The following C11orf65 variants were observed in gnomAD, a reference collection of about 807,000 sequenced individuals.
The protein encoded by C11orf65 is chromosome 11 open reading frame 65.
A neutral mutation model predicts 35.3 loss-of-function variants in C11orf65; 38 were observed. That is an observed-to-expected ratio of 1.08 (90% confidence interval 0.83 to 1.41). The LOEUF is 1.41. C11orf65 is among the 40% of genes most tolerant of loss of function. C11orf65 has a pLI of 0.00. For synonymous variants in C11orf65, 105 were observed against 114.4 expected (o/e 0.92, Z 0.53); for missense variants, 370 against 367.1 (o/e 1.01, Z -0.06).
At chr11:108,330,144 AT>A (rs2086100338), downstream of C11orf65, 1 of 1,510,376 alleles carries the variant, frequency 6.6e-7, no homozygotes, top group Non-Finnish European at 9.1e-7. Context: ...AATGTTGTAT[AT>A]CATGTGTGAT....
At chr11:108,431,934 T>C (rs577040836) in intron 2 of C11orf65, 96 bp from the exon 3 acceptor site, 6 of 616,744 alleles carry the variant, frequency 9.7e-6, no homozygotes, top group African/African-American at 3.7e-5. Context: ...TAAAGTACCA[T>C]AAAATAGATT....
At chr11:108,466,374 G>A (rs943632258) in intron 1 of C11orf65, among the ~76,000 whole-genome samples, 40 of 152,100 alleles carry the variant, frequency 2.6e-4, no homozygotes, top group African/African-American at 9.7e-4. Flanking sequence ...AGGGGTTTGA[G>A]ACCAGCCTGG....
intron 2 of C11orf65, among the ~76,000 whole-genome samples, chr11:108,338,502 A>C (rs1171766161): frequency 6.6e-6 from 1 of 152,190 alleles, no homozygotes; most frequent in Non-Finnish European, 1.5e-5. Context: ...AAAAAATTAA[A>C]AATTTAGCCA....
intron 2 of C11orf65, among the ~76,000 whole-genome samples, chr11:108,374,562 C>G (rs2091667556): frequency 6.6e-6 from 1 of 152,164 alleles, no homozygotes; most frequent in Non-Finnish European, 1.5e-5. Flanking sequence ...AAACTGGAAA[C>G]TCTAAAAAGG....
rs762900370 is a variant in C11orf65 at position 108,322,835 on chromosome 11, G to A, written c.641-13764C>T. Among the ~76,000 whole-genome samples, 45 of 150,996 alleles carry A rather than the reference G, an allele frequency of 3.0e-4. No homozygotes were observed. In the East Asian group the frequency reaches 6.8e-3, roughly 23 times the overall value. ...TTGCACAGCATGTTACACTCCATTC[G>A]GTTTTAGCACTGCATTGCATTACTG... On this transcript the variant is annotated intron_variant, in intron 6 of 6. Coordinates refer to the C11orf65 transcript ENST00000525729.
intron 2 of C11orf65, among the ~76,000 whole-genome samples, chr11:108,338,923 TCATTCCCAA>T (rs1334987860): frequency 3.3e-5 from 5 of 152,072 alleles, no homozygotes; most frequent in Non-Finnish European, 7.4e-5. Flanking sequence ...ATCTGTAGAG[TCATTCCCAA>T]TCCTGAGATT....
At position 108,343,285 on chromosome 11, in the gene C11orf65, G is replaced by T. The variant is rs2136946265; in HGVS notation, c.227-7993C>A. The T allele has an allele frequency of 6.2e-7, 1 of 1,614,006 alleles. No homozygotes were observed. The highest frequency in any genetic ancestry group is 8.5e-7 in the Non-Finnish European group (1 of 1,179,936). ...GTGCACAGGAACTGTCCCCATTGGTGAATTTCTTGTTAACAATGAAGATGG... is the reference window on the plus strand; with the variant it reads ...GTGCACAGGAACTGTCCCCATTGGTTAATTTCTTGTTAACAATGAAGATGG... On this transcript the variant is annotated intron_variant, in intron 2 of 3. Transcript: ENST00000524755.
In C11orf65 at chr11:108,360,350, T is replaced by C. The variant is rs372772222; in HGVS notation, c.227-25058A>G. Reference sequence around the variant, plus strand: ...GTCCAGGACCAGATGGATTCACAGCTGAATTCTACCAGAGGTACAAGGAGG... The same window carrying C: ...GTCCAGGACCAGATGGATTCACAGCCGAATTCTACCAGAGGTACAAGGAGG... On this transcript the variant is annotated intron_variant, in intron 2 of 3. Coordinates refer to the C11orf65 transcript ENST00000524755. 1.9e-3 allele frequency among the ~76,000 whole-genome samples: 286 copies of C among 151,364 alleles called. 1 individual carries two copies. Among genetic ancestry groups the C allele is most frequent in the African/African-American group, 5.9e-3 (243 of 41,178 alleles).
Position 108,348,725 on chromosome 11 carries a change from T to G in C11orf65, c.227-13433A>C, listed in dbSNP as rs544378358. 8.7e-3 allele frequency among the ~76,000 whole-genome samples: 1,317 copies of G among 152,200 alleles called. 13 individuals carry two copies. The highest frequency in any genetic ancestry group is 9.9e-3 in the Non-Finnish European group (674 of 67,970). On this transcript the variant is annotated intron_variant, in intron 2 of 3. Coordinates refer to the C11orf65 transcript ENST00000524755. ...CAGGTTTCATTATTTTCCAAAGAAATTCTCAGAAAATAATATATTGAGAGG... is the reference window on the plus strand; with the variant it reads ...CAGGTTTCATTATTTTCCAAAGAAAGTCTCAGAAAATAATATATTGAGAGG...
At chr11:108,400,143 T>C (rs1309511175) in intron 6 of C11orf65, among the ~76,000 whole-genome samples, 1 of 152,096 alleles carries the variant, frequency 6.6e-6, no homozygotes, top group Non-Finnish European at 1.5e-5. Flanking sequence ...AGTAAAGGGG[T>C]TGGAACAGCA....
At chr11:108,467,962 A>C (rs2093557949), upstream of C11orf65, among the ~76,000 whole-genome samples, 1 of 151,910 alleles carries the variant, frequency 6.6e-6, no homozygotes. Flanking sequence ...AGTAGCTGGG[A>C]CCGTAGGAGT....
At chr11:108,434,653 G>C (rs949064942) in intron 2 of C11orf65, among the ~76,000 whole-genome samples, 1 of 151,948 alleles carries the variant, frequency 6.6e-6, no homozygotes, top group South Asian at 2.1e-4. Context: ...AATTCCTTGG[G>C]GGAACTACCT....
chr11:108,377,202 C>A (rs1328318327), intron 2 of C11orf65, among the ~76,000 whole-genome samples: 2 of 151,938 alleles, frequency 1.3e-5, no homozygotes, highest in Non-Finnish European at 2.9e-5. Flanking sequence ...GACCAATATC[C>A]TTGATGAACA....
chr11:108,376,207 C>G (rs1047460961), intron 2 of C11orf65, among the ~76,000 whole-genome samples: 5 of 152,018 alleles, frequency 3.3e-5, no homozygotes, highest in African/African-American at 1.2e-4. Flanking sequence ...CACACCTATT[C>G]CAAAATTGAC....
chr11:108,331,325 A>G, downstream of C11orf65: 9 of 1,469,336 alleles, frequency 6.1e-6, no homozygotes, highest in Non-Finnish European at 8.1e-6. Context: ...TAGTTAGTGA[A>G]GTTTTGTTAA....
chr11:108,447,046 G>A (rs1471437259), intron 2 of C11orf65, among the ~76,000 whole-genome samples: 18 of 152,216 alleles, frequency 1.2e-4, no homozygotes, highest in Admixed American at 2.0e-4. Flanking sequence ...AGGCCATTAC[G>A]TAATGATAAA....
At chr11:108,393,101 T>TC in intron 7 of C11orf65, 107 bp downstream of exon 7, 5 of 1,255,904 alleles carry the variant, frequency 4.0e-6, no homozygotes, top group Non-Finnish European at 4.4e-6. Flanking sequence ...GTTTTTTTTT[T>TC]CTTTGAAGAT....
At chr11:108,361,537 A>G (rs1435249858) in intron 2 of C11orf65, among the ~76,000 whole-genome samples, 1 of 152,062 alleles carries the variant, frequency 6.6e-6, no homozygotes, top group Non-Finnish European at 1.5e-5. Context: ...ACACTACCTG[A>G]CTTCAAACTA....
chr11:108,463,102 G>C (rs1027376635), intron 1 of C11orf65, among the ~76,000 whole-genome samples: 1 of 152,054 alleles, frequency 6.6e-6, no homozygotes, highest in African/African-American at 2.4e-5. Context: ...CTCCAGCCTG[G>C]GCCACAAAAT....
Sources: gnomAD v4.1 joint callset for allele counts (sites outside exome capture counted in the v4.1 genomes callset) on GRCh38, gnomAD v4.1.1 for gene constraint, MANE v1.5 for transcripts, NCBI Gene and HGNC (gene_info 2026-07-23, HGNC 2026-07-21) for gene names.